POLN: variants seen among roughly 807,000 people sequenced by gnomAD.
POLN encodes DNA polymerase nu, also known as DNA polymerase N.
Under a neutral mutation model 113.5 loss-of-function variants are expected in POLN, and 108 were observed. The observed-to-expected ratio is 0.95, with a 90% confidence interval of 0.81 to 1.12. The LOEUF (loss-of-function observed/expected upper bound fraction) is 1.12. Among genes scored for constraint, POLN ranks in the 50% most tolerant of loss-of-function variants. The pLI is 0.00. For missense variants in POLN, 1,097 were observed against 1,077.1 expected (o/e 1.02, Z -0.26); for synonymous variants, 386 against 391.5 (o/e 0.99, Z 0.17).
chr4:2,073,933 C>A (rs35317795), intron 24 of POLN, among the ~76,000 whole-genome samples: 11 of 152,330 alleles, frequency 7.2e-5, no homozygotes, highest in African/African-American at 2.6e-4. Flanking sequence ...TGTCGGCCAG[C>A]AGGTGGGCAC....
chr4:2,080,893 G>A lies in POLN; in HGVS notation c.2387+65C>T, dbSNP rs552094220. On this transcript the variant is annotated intron_variant, in intron 23 of 25. Transcript: ENST00000511885. ...GGTGATCATCAGAATCACGAGCCCCGAGGGGGTCTTCCCACAGAATACTAA... is the reference window on the plus strand; with the variant it reads ...GGTGATCATCAGAATCACGAGCCCCAAGGGGGTCTTCCCACAGAATACTAA... 6 of 1,610,888 alleles carry A rather than the reference G, an allele frequency of 3.7e-6. No individual in the cohort carries two copies. The African/African-American group carries it at 4.0e-5, about 11-fold the overall frequency.
chr4:2,119,184 A>C (rs1371274106), intron 19 of POLN, among the ~76,000 whole-genome samples: 1 of 152,272 alleles, frequency 6.6e-6, no homozygotes, highest in African/African-American at 2.4e-5. Flanking sequence ...CTTAAGCAGA[A>C]GAAAAAATGA....
intron 2 of POLN, chr4:2,229,961 T>G (rs1219104249): frequency 6.6e-6 from 1 of 152,206 alleles, no homozygotes; most frequent in Non-Finnish European, 1.5e-5. Context: ...GCTGGCCCCC[T>G]GGGCTGAGCA....
intron 2 of POLN, 89 bp from the exon 3 acceptor site, chr4:2,229,332 A>G (rs1734494980): frequency 2.0e-6 from 2 of 1,022,198 alleles, no homozygotes; most frequent in Non-Finnish European, 1.4e-6. Context: ...AAATTTATAT[A>G]CCAACTTTCA....
At chr4:2,173,311 T>G (rs1732911244) in intron 11 of POLN, among the ~76,000 whole-genome samples, 1 of 152,218 alleles carries the variant, frequency 6.6e-6, no homozygotes, top group Non-Finnish European at 1.5e-5. Flanking sequence ...TTTGTGCAGA[T>G]GTATGAGGTA....
intron 3 of POLN, among the ~76,000 whole-genome samples, chr4:2,220,805 G>A (rs1734234978): frequency 6.6e-6 from 1 of 152,174 alleles, no homozygotes; most frequent in African/African-American, 2.4e-5. Context: ...TTAATGACCA[G>A]GAGAGGAGGA....
intron 24 of POLN, among the ~76,000 whole-genome samples, chr4:2,073,489 C>A (rs1385514620): frequency 6.6e-6 from 1 of 152,242 alleles, no homozygotes; most frequent in Admixed American, 6.5e-5. Context: ...ACAAGAACCC[C>A]CCATCCCCAC....
chr4:2,213,520 C>T (rs1323196072), intron 3 of POLN, among the ~76,000 whole-genome samples: 1 of 152,102 alleles, frequency 6.6e-6, no homozygotes, highest in Non-Finnish European at 1.5e-5. Flanking sequence ...ATCATTAAAA[C>T]AAACTTCTAA....
intron 5 of POLN, among the ~76,000 whole-genome samples, chr4:2,199,185 T>C (rs1346140225): frequency 6.6e-6 from 1 of 152,152 alleles, no homozygotes; most frequent in Admixed American, 6.5e-5. Context: ...CGACCATTTA[T>C]AAAACTCTAA....
intron 4 of POLN, among the ~76,000 whole-genome samples, chr4:2,210,623 ATAATAAT>A (rs1733967984): frequency 2.3e-5 from 3 of 131,010 alleles, no homozygotes; most frequent in African/African-American, 1.0e-4. Context: ...AATAATAATA[ATAATAAT>A]AAAAAAAAGA....
chr4:2,197,282 G>A (rs566208702), intron 6 of POLN, among the ~76,000 whole-genome samples: 1 of 152,224 alleles, frequency 6.6e-6, no homozygotes, highest in Admixed American at 6.5e-5. Flanking sequence ...TTGTGATCCA[G>A]TAGGAGGTAA....
At chr4:2,201,323 T>A (rs1204045420) in intron 5 of POLN, among the ~76,000 whole-genome samples, 1 of 76,334 alleles carries the variant, frequency 1.3e-5, no homozygotes, top group Admixed American at 1.3e-4. Flanking sequence ...AAATTTTCAA[T>A]GAAATAGATA....
Position 2,170,759 on chromosome 4 carries a change from A to T in POLN, c.1474T>A (p.Leu492Ile). 1.9e-6 allele frequency: 3 copies of T among 1,614,154 alleles called. No individual in the cohort carries two copies. Among genetic ancestry groups the T allele is most frequent in the Non-Finnish European group, 2.5e-6 (3 of 1,180,000 alleles). The change falls in exon 13 of 26, where the codon TTA (leucine) becomes ATA (isoleucine). Residue 492 changes from leucine (L) to isoleucine (I), a missense_variant. Transcript: ENST00000511885. ...NQLREILFGK[L>I]KLHLLSQRNS... is the part of the protein sequence containing the mutation. Reference sequence around the variant, plus strand: ...CTTTGACTCAGCAGGTGCAGCTTTAACTTGCCAAAGAGGATCTTCAACAAA... The same window carrying T: ...CTTTGACTCAGCAGGTGCAGCTTTATCTTGCCAAAGAGGATCTTCAACAAA...
intron 7 of POLN, among the ~76,000 whole-genome samples, chr4:2,188,469 C>T (rs1186569209): frequency 6.6e-6 from 1 of 151,992 alleles, no homozygotes; most frequent in Non-Finnish European, 1.5e-5. Flanking sequence ...GGCCTGGTGG[C>T]GGGCGCCTGT....
intron 16 of POLN, among the ~76,000 whole-genome samples, chr4:2,144,077 A>G (rs1732072369): frequency 6.6e-6 from 1 of 151,896 alleles, no homozygotes; most frequent in Non-Finnish European, 1.5e-5. Flanking sequence ...TGAACAACCA[A>G]TAACTTTCCT....
intron 3 of POLN, among the ~76,000 whole-genome samples, chr4:2,223,889 T>C (rs778467826): frequency 1.7e-4 from 26 of 152,214 alleles, no homozygotes; most frequent in Non-Finnish European, 3.2e-4. Flanking sequence ...GAAACCTTAG[T>C]GCATTACTGT....
intron 24 of POLN, among the ~76,000 whole-genome samples, chr4:2,073,698 T>A (rs1730207597): frequency 6.6e-6 from 1 of 152,192 alleles, no homozygotes; most frequent in Admixed American, 6.5e-5. Context: ...TGGATAAACA[T>A]TCGTTCAGTC....
At chr4:2,075,355 G>T in intron 24 of POLN, 97 bp downstream of exon 24, 1 of 1,325,006 alleles carries the variant, frequency 7.5e-7, no homozygotes. Context: ...TAAAAGGGAA[G>T]ACAGCTGAGG....
At chr4:2,186,917 A>G (rs1474000957) in intron 7 of POLN, among the ~76,000 whole-genome samples, 2 of 152,326 alleles carry the variant, frequency 1.3e-5, no homozygotes, top group African/African-American at 4.8e-5. Flanking sequence ...ACAGAGGTTG[A>G]CTTAATTTAA....
Sources: allele counts gnomAD v4.1 joint callset (sites outside exome capture counted in the v4.1 genomes callset), GRCh38; gene constraint gnomAD v4.1.1; transcripts MANE v1.5; gene names NCBI Gene and HGNC (gene_info 2026-07-23, HGNC 2026-07-21).